The following PPP1R12B variants were observed in gnomAD, a reference collection of about 807,000 sequenced individuals.
PPP1R12B encodes the protein myosin phosphatase target subunit 2.
A neutral mutation model predicts 126.1 loss-of-function variants in PPP1R12B; 76 were observed. The observed-to-expected ratio is 0.60, with a 90% CI of 0.50 to 0.73. The LOEUF (loss-of-function observed/expected upper bound fraction) is 0.73, where lower values mean the gene tolerates loss of function less well. Ranked by LOEUF, PPP1R12B falls within the 30% of genes least tolerant of loss-of-function variation. The pLI is 0.00. For missense variants in PPP1R12B, 1,052 were observed against 1,205.1 expected (o/e 0.87, Z 1.88); for synonymous variants, 356 against 434.7 (o/e 0.82, Z 2.25).
intron 18 of PPP1R12B, among the ~76,000 whole-genome samples, chr1:202,522,591 A>G (rs567817629): frequency 6.6e-6 from 1 of 152,258 alleles, no homozygotes; most frequent in South Asian, 2.1e-4. Flanking sequence ...AATAGGAAAT[A>G]CAAAATAAAA....
chr1:202,373,959 T>C (rs1660722848), intron 1 of PPP1R12B, among the ~76,000 whole-genome samples: 1 of 152,112 alleles, frequency 6.6e-6, no homozygotes, highest in Non-Finnish European at 1.5e-5. Flanking sequence ...CAAGAAGGTA[T>C]ATTAATTTTT....
chr1:202,456,854 A>G (rs974141891), intron 13 of PPP1R12B, among the ~76,000 whole-genome samples: 1 of 152,238 alleles, frequency 6.6e-6, no homozygotes, highest in African/African-American at 2.4e-5. Flanking sequence ...TCTGCAATCC[A>G]GAGTAAAAGA....
intron 20 of PPP1R12B, 37 bp downstream of exon 20, chr1:202,562,959 C>CA: frequency 6.6e-7 from 1 of 1,519,026 alleles, no homozygotes; most frequent in Non-Finnish European, 8.8e-7. Context: ...TCTTTGGTGA[C>CA]ATGTAAACCT....
At chr1:202,571,799 G>A (rs1184958158) in intron 23 of PPP1R12B, among the ~76,000 whole-genome samples, 1 of 152,028 alleles carries the variant, frequency 6.6e-6, no homozygotes, top group Non-Finnish European at 1.5e-5. Context: ...ATTCAGTCAG[G>A]TGTCCATTAT....
intron 18 of PPP1R12B, among the ~76,000 whole-genome samples, chr1:202,550,895 C>T (rs1347192277): frequency 6.6e-6 from 1 of 152,152 alleles, no homozygotes; most frequent in Non-Finnish European, 1.5e-5. Context: ...CATATATTTC[C>T]TTCTACAATG....
chr1:202,363,910 G>A (rs1183597935), intron 1 of PPP1R12B, among the ~76,000 whole-genome samples: 3 of 152,042 alleles, frequency 2.0e-5, no homozygotes, highest in Admixed American at 1.3e-4. Context: ...ACAGGCACAC[G>A]CCACCATGCC....
intron 12 of PPP1R12B, among the ~76,000 whole-genome samples, chr1:202,446,094 GTATAAT>G (rs1672196228): frequency 6.6e-6 from 1 of 151,368 alleles, no homozygotes; most frequent in Admixed American, 6.6e-5. Context: ...TAATAATACT[GTATAAT>G]TATAGGTAAA....
rs746242867 is a variant in PPP1R12B at position 202,587,012 on chromosome 1, C to T, written c.*6452C>T. The T allele has an allele frequency of 1.3e-4, 19 of 151,996 alleles. No homozygotes were observed. Among genetic ancestry groups the T allele is most frequent in the Admixed American group, 2.6e-4 (4 of 15,266 alleles). The allele number at this position is 151,996 out of a possible 1,614,324, so 9.4% of individuals were successfully genotyped here. On this transcript the variant is annotated 3_prime_UTR_variant, in exon 24 of 24. Coordinates refer to ENST00000608999, the MANE Select transcript of PPP1R12B (RefSeq NM_002481.4). ...TTATTAAATCATATCTTTTGTTTTT[C>T]CCCCTCCCTTCTAATCCCCCAAAGG...
chr1:202,352,486 G>A (rs1165727421), intron 1 of PPP1R12B, among the ~76,000 whole-genome samples: 1 of 152,124 alleles, frequency 6.6e-6, no homozygotes, highest in African/African-American at 2.4e-5. Flanking sequence ...AGTGTGGTGA[G>A]GGATGCTGGA....
At chr1:202,496,614 C>A (rs1679583181) in intron 17 of PPP1R12B, among the ~76,000 whole-genome samples, 167 bp from the exon 18 acceptor site, 1 of 152,186 alleles carries the variant, frequency 6.6e-6, no homozygotes, top group Non-Finnish European at 1.5e-5. Context: ...AAGTTGCCTG[C>A]CTGTGATGGC....
chr1:202,549,650 C>T (rs1210278584), intron 18 of PPP1R12B, among the ~76,000 whole-genome samples: 1 of 152,096 alleles, frequency 6.6e-6, no homozygotes, highest in African/African-American at 2.4e-5. Context: ...AATCTCCTGA[C>T]TTCATGATCC....
rs1689845103 is a variant in PPP1R12B, at chr1:202,586,838, C to G, written c.*6278C>G. 1 of 152,226 alleles carries G rather than the reference C, an allele frequency of 6.6e-6. No homozygotes were observed. The highest frequency in any genetic ancestry group is 1.5e-5 in the Non-Finnish European group (1 of 68,042). 9.4% of individuals were successfully genotyped at this position (152,226 alleles called of 1,614,324 possible). ...AAAGACAATACCATTAATGAATGTT[C>G]TGGCCTTACCTAAAAAGGTTTAGCA... On this transcript the variant is annotated 3_prime_UTR_variant, in exon 24 of 24. Transcript: ENST00000608999.
chr1:202,393,483 A>G (rs1342742035), intron 1 of PPP1R12B, among the ~76,000 whole-genome samples: 1 of 150,150 alleles, frequency 6.7e-6, no homozygotes, highest in Non-Finnish European at 1.5e-5. Flanking sequence ...AAGCATGGAT[A>G]TTGATATGGA....
intron 18 of PPP1R12B, among the ~76,000 whole-genome samples, chr1:202,507,510 C>T (rs954045022): frequency 4.6e-5 from 7 of 152,082 alleles, no homozygotes; most frequent in African/African-American, 1.4e-4. Flanking sequence ...TGTCCATAAC[C>T]ATCCATAACT....
rs370925961 is a variant in PPP1R12B, at chr1:202,356,969, C to G, written c.291+7827C>G. The stretch of plus-strand genomic sequence containing the variant: ...CCTTATTAGCTGGGATTACAGGCGC[C>G]CACCACCACAACCAGCTAATTTTTG... On this transcript the variant is annotated intron_variant, in intron 1 of 23. Transcript: ENST00000608999. Among the ~76,000 whole-genome samples, 90 of 152,068 alleles carry G rather than the reference C, an allele frequency of 5.9e-4. No individual in the cohort carries two copies. The South Asian group carries it at 0.011, about 18-fold the overall frequency.
At position 202,589,070 on chromosome 1, in the gene PPP1R12B, A is replaced by G. The variant is rs971563874; in HGVS notation, c.*8510A>G. The G allele has an allele frequency of 6.6e-6, 1 of 152,182 alleles. No homozygotes were observed. The highest frequency in any genetic ancestry group is 6.5e-5 in the Admixed American group (1 of 15,272). The allele number at this position is 152,182 out of a possible 1,614,324, so 9.4% of individuals were successfully genotyped here. On this transcript the variant is annotated 3_prime_UTR_variant, in exon 24 of 24. Transcript: ENST00000608999. ...CTGCCATCACCCTTAGTCATCTGCT[A>G]TATCCATAAGTCTTCATGAGGTCAT...
At chr1:202,373,493 A>G (rs1489575605) in intron 1 of PPP1R12B, among the ~76,000 whole-genome samples, 1 of 152,058 alleles carries the variant, frequency 6.6e-6, no homozygotes, top group Non-Finnish European at 1.5e-5. Context: ...TAATTTTTAT[A>G]TATGGTGTGA....
intron 18 of PPP1R12B, among the ~76,000 whole-genome samples, chr1:202,528,758 C>T (rs1683616543): frequency 6.6e-6 from 1 of 150,706 alleles, no homozygotes; most frequent in East Asian, 1.9e-4. Flanking sequence ...TTTTTTTTTA[C>T]ATATATACAC....
chr1:202,415,621 G>T (rs923855487), intron 1 of PPP1R12B, among the ~76,000 whole-genome samples: 1 of 151,890 alleles, frequency 6.6e-6, no homozygotes, highest in Non-Finnish European at 1.5e-5. Flanking sequence ...AGATCTTTTG[G>T]TTTTTTTAGA....
Sources: gnomAD v4.1 joint callset for allele counts (sites outside exome capture counted in the v4.1 genomes callset) on GRCh38, gnomAD v4.1.1 for gene constraint, MANE v1.5 for transcripts, NCBI Gene and HGNC (gene_info 2026-07-23, HGNC 2026-07-21) for gene names.